BMERB1: variants seen among roughly 807,000 people sequenced by gnomAD.
The protein encoded by BMERB1 is bMERB domain-containing protein 1.
A neutral mutation model predicts 23.6 loss-of-function variants in BMERB1; 12 were observed. The ratio of observed to expected loss-of-function variants is 0.51; its 90% CI spans 0.33 to 0.82. BMERB1 has a LOEUF of 0.82. Among genes scored for constraint, BMERB1 ranks in the 40% least tolerant of loss-of-function variants. BMERB1 has a pLI of 0.03. For synonymous variants in BMERB1, 122 were observed against 96.6 expected (o/e 1.26, Z -1.54); for missense variants, 247 against 255.4 (o/e 0.97, Z 0.22).
intron 2 of BMERB1, among the ~76,000 whole-genome samples, chr16:15,545,634 A>G (rs1470978747): frequency 6.6e-6 from 1 of 152,194 alleles, no homozygotes; most frequent in Non-Finnish European, 1.5e-5. Flanking sequence ...GACTGGCCAC[A>G]GGACCAATCT....
chr16:15,525,478 C>T (rs1382164063), intron 2 of BMERB1, among the ~76,000 whole-genome samples: 3 of 151,902 alleles, frequency 2.0e-5, no homozygotes, highest in Admixed American at 2.0e-4. Flanking sequence ...CCAAGGTGGG[C>T]AGATCATTTG....
chr16:15,549,611 G>A (rs571248282), intron 2 of BMERB1, among the ~76,000 whole-genome samples: 10 of 151,832 alleles, frequency 6.6e-5, no homozygotes, highest in Admixed American at 3.3e-4. Flanking sequence ...CCCAGGAGGC[G>A]GAGGTTGCAG....
intron 1 of BMERB1, among the ~76,000 whole-genome samples, chr16:15,492,365 G>T (rs145652373): frequency 1.6e-4 from 25 of 152,296 alleles, no homozygotes; most frequent in Non-Finnish European, 2.9e-4. Context: ...TGCTCCACCA[G>T]CAGGTGATCC....
intron 2 of BMERB1, among the ~76,000 whole-genome samples, chr16:15,555,003 C>G (rs888774494): frequency 1.3e-5 from 2 of 152,080 alleles, no homozygotes; most frequent in Non-Finnish European, 2.9e-5. Flanking sequence ...ACAAAGGTAA[C>G]TAAGCAATAC....
chr16:15,508,751 G>A (rs573817473), intron 1 of BMERB1, among the ~76,000 whole-genome samples: 6 of 150,920 alleles, frequency 4.0e-5, no homozygotes, highest in South Asian at 4.2e-4. Context: ...GCTTGAGCCC[G>A]GGAGGTTGAG....
At chr16:15,567,128 C>G (rs906922728) in intron 2 of BMERB1, among the ~76,000 whole-genome samples, 3 of 151,760 alleles carry the variant, frequency 2.0e-5, no homozygotes, top group Non-Finnish European at 4.4e-5. Context: ...GAGTTCAAGT[C>G]TGCAGTAAGC....
At chr16:15,575,371 T>G (rs1465379274) in intron 3 of BMERB1, among the ~76,000 whole-genome samples, 1 of 152,258 alleles carries the variant, frequency 6.6e-6, no homozygotes, top group East Asian at 1.9e-4. Flanking sequence ...GGCTATTGTT[T>G]TAGGCTACTA....
chr16:15,553,437 G>C (rs938279176), intron 2 of BMERB1, among the ~76,000 whole-genome samples: 2 of 152,216 alleles, frequency 1.3e-5, no homozygotes, highest in African/African-American at 4.8e-5. Flanking sequence ...TTACACTCCT[G>C]TAAGTTCAGC....
At chr16:15,468,769 G>C (rs1478755790) in intron 1 of BMERB1, among the ~76,000 whole-genome samples, 1 of 151,984 alleles carries the variant, frequency 6.6e-6, no homozygotes, top group Non-Finnish European at 1.5e-5. Flanking sequence ...CCCCCCTTTA[G>C]GTTCTTAAGA....
At chr16:15,520,703 G>A (rs2059638001) in intron 2 of BMERB1, among the ~76,000 whole-genome samples, 1 of 151,996 alleles carries the variant, frequency 6.6e-6, no homozygotes, top group African/African-American at 2.4e-5. Context: ...TAGCCAGGAT[G>A]GTCTCGATCT....
At chr16:15,478,298 T>C (rs1250508142) in intron 1 of BMERB1, among the ~76,000 whole-genome samples, 2 of 152,044 alleles carry the variant, frequency 1.3e-5, no homozygotes, top group African/African-American at 2.4e-5. Context: ...TAGCTGGGAT[T>C]TACAGGCACA....
chr16:15,562,344 G>A (rs1364207016), intron 2 of BMERB1, among the ~76,000 whole-genome samples: 1 of 151,108 alleles, frequency 6.6e-6, no homozygotes, highest in Admixed American at 6.6e-5. Flanking sequence ...TTAAAAATGA[G>A]TTAGGTGAGA....
intron 1 of BMERB1, among the ~76,000 whole-genome samples, chr16:15,497,976 TCAG>T (rs1205363876): frequency 6.6e-6 from 1 of 152,190 alleles, no homozygotes; most frequent in Admixed American, 6.6e-5. Flanking sequence ...TAGCTAACAT[TCAG>T]CACACTGTGC....
At chr16:15,583,986 G>T (rs2031079944) in intron 5 of BMERB1, 1 of 701,800 alleles carries the variant, frequency 1.4e-6, no homozygotes, top group South Asian at 1.5e-5. Context: ...CTGAGGCTCA[G>T]GGAGCTCTGG....
chr16:15,494,322 G>C (rs2051452435), intron 1 of BMERB1, among the ~76,000 whole-genome samples: 1 of 152,074 alleles, frequency 6.6e-6, no homozygotes, highest in South Asian at 2.1e-4. Context: ...GTCCCAAAGG[G>C]CCTTAGAAAG....
chr16:15,528,763 G>A (rs560203507), intron 2 of BMERB1, among the ~76,000 whole-genome samples: 1 of 152,044 alleles, frequency 6.6e-6, no homozygotes, highest in East Asian at 1.9e-4. Context: ...AAATACATAT[G>A]TCGACATCTA....
intron 1 of BMERB1, among the ~76,000 whole-genome samples, chr16:15,478,149 AC>A (rs149122745): frequency 0.019 from 2,807 of 151,470 alleles, 53 homozygotes; most frequent in Middle Eastern, 0.054. Context: ...GATAGCTCAG[AC>A]TTTTTCTCTA....
chr16:15,455,963 C>T (rs1342922334), intron 1 of BMERB1, among the ~76,000 whole-genome samples: 6 of 152,090 alleles, frequency 3.9e-5, no homozygotes, highest in Admixed American at 6.6e-5. Context: ...TGACGTTTTC[C>T]TTTCTTTTCA....
intron 1 of BMERB1, among the ~76,000 whole-genome samples, chr16:15,489,179 G>T (rs183699143): frequency 3.9e-5 from 6 of 152,288 alleles, no homozygotes; most frequent in Admixed American, 3.9e-4. Context: ...GGTAGGGTAA[G>T]CCCCATTAAA....
Sources: gnomAD v4.1 joint callset for allele counts (sites outside exome capture counted in the v4.1 genomes callset) on GRCh38, gnomAD v4.1.1 for gene constraint, MANE v1.5 for transcripts, NCBI Gene and HGNC (gene_info 2026-07-23, HGNC 2026-07-21) for gene names.